TAS2R1: variants seen among roughly 807,000 people sequenced by gnomAD.
TAS2R1 encodes the protein taste receptor type 2 member 1.
For missense variants in TAS2R1, 370 were observed against 353.4 expected (o/e 1.05, Z -0.38); for synonymous variants, 141 against 134.2 (o/e 1.05, Z -0.35).
At chr5:9,895,840 C>T in the TAS2R1 span, among the ~76,000 whole-genome samples, 1 of 152,198 alleles carries the variant, frequency 6.6e-6, no homozygotes, top group Non-Finnish European at 1.5e-5. Context: ...AACAGAGAGT[C>T]CAGCTGTAAT....
At chr5:9,840,691 T>C in the TAS2R1 span, among the ~76,000 whole-genome samples, 1 of 152,022 alleles carries the variant, frequency 6.6e-6, no homozygotes, top group Non-Finnish European at 1.5e-5. Context: ...CTTACTGTAT[T>C]TCTGTGTTTC....
chr5:9,675,801 C>T (rs764667429), intron 1 of TAS2R1, among the ~76,000 whole-genome samples: 1 of 152,130 alleles, frequency 6.6e-6, no homozygotes, highest in Non-Finnish European at 1.5e-5. Context: ...CATCTGCAAA[C>T]AGAAATCATT....
chr5:9,864,938 C>T, the TAS2R1 span, among the ~76,000 whole-genome samples: 1 of 152,112 alleles, frequency 6.6e-6, no homozygotes, highest in East Asian at 1.9e-4. Context: ...CACAAGGCCA[C>T]CAGCAAGTGG....
chr5:9,720,395 C>T, the TAS2R1 span, among the ~76,000 whole-genome samples: 2 of 152,346 alleles, frequency 1.3e-5, no homozygotes, highest in South Asian at 2.1e-4. Context: ...GGGACATCTT[C>T]TCATGGCAAT....
the TAS2R1 span, among the ~76,000 whole-genome samples, chr5:9,831,382 T>C: frequency 1.3e-5 from 2 of 152,204 alleles, no homozygotes; most frequent in South Asian, 2.1e-4. Context: ...AACTATGGCA[T>C]AGTGTCACGA....
At chr5:9,753,696 C>T in the TAS2R1 span, among the ~76,000 whole-genome samples, 1 of 152,180 alleles carries the variant, frequency 6.6e-6, no homozygotes, top group Non-Finnish European at 1.5e-5. Flanking sequence ...ACATTTAAGT[C>T]TTCAATCCAT....
chr5:9,796,540 C>T, the TAS2R1 span, among the ~76,000 whole-genome samples: 1 of 151,974 alleles, frequency 6.6e-6, no homozygotes. Flanking sequence ...CTCTCAGTCC[C>T]CACAAATTGG....
the TAS2R1 span, among the ~76,000 whole-genome samples, chr5:9,872,931 C>T: frequency 6.6e-6 from 1 of 152,192 alleles, no homozygotes; most frequent in Non-Finnish European, 1.5e-5. Context: ...GTCAGACATG[C>T]TCTGGCCTAA....
At chr5:9,741,258 G>T in the TAS2R1 span, among the ~76,000 whole-genome samples, 1 of 152,090 alleles carries the variant, frequency 6.6e-6, no homozygotes, top group Non-Finnish European at 1.5e-5. Flanking sequence ...CCAGAGATCC[G>T]CTATTTAATC....
the TAS2R1 span, among the ~76,000 whole-genome samples, chr5:9,848,992 A>G: frequency 6.6e-6 from 1 of 152,194 alleles, no homozygotes; most frequent in Non-Finnish European, 1.5e-5. Flanking sequence ...CTTCCATGAG[A>G]AGAATACGTT....
At chr5:9,847,106 A>T in the TAS2R1 span, among the ~76,000 whole-genome samples, 4 of 152,210 alleles carry the variant, frequency 2.6e-5, no homozygotes, top group Non-Finnish European at 5.9e-5. Flanking sequence ...GGAAAACTTC[A>T]TAGATGACCC....
At chr5:9,688,216 T>C (rs1741166011) in intron 1 of TAS2R1, among the ~76,000 whole-genome samples, 1 of 152,228 alleles carries the variant, frequency 6.6e-6, no homozygotes, top group Non-Finnish European at 1.5e-5. Flanking sequence ...TAGAGTCTAG[T>C]ATATTTCATC....
upstream of TAS2R1, among the ~76,000 whole-genome samples, chr5:9,714,582 T>C (rs1222468499): frequency 6.6e-6 from 1 of 152,194 alleles, no homozygotes; most frequent in Non-Finnish European, 1.5e-5. Context: ...GGAGGATCAA[T>C]ATGAAAATCA....
the TAS2R1 span, among the ~76,000 whole-genome samples, chr5:9,856,628 A>T: frequency 6.6e-6 from 1 of 152,248 alleles, no homozygotes; most frequent in East Asian, 1.9e-4. Context: ...GAAACTTGGC[A>T]GTAGCAAATG....
the TAS2R1 span, among the ~76,000 whole-genome samples, chr5:9,835,622 G>A: frequency 1.3e-5 from 2 of 152,190 alleles, no homozygotes; most frequent in Non-Finnish European, 2.9e-5. Context: ...AGGCAACCAG[G>A]GAGCCCGCAT....
At chr5:9,725,398 T>G in the TAS2R1 span, among the ~76,000 whole-genome samples, 1 of 152,198 alleles carries the variant, frequency 6.6e-6, no homozygotes, top group African/African-American at 2.4e-5. Flanking sequence ...GGCCCCGCAC[T>G]TGGAGCAGCC....
chr5:9,783,192 C>T, the TAS2R1 span, among the ~76,000 whole-genome samples: 10 of 152,164 alleles, frequency 6.6e-5, no homozygotes, highest in African/African-American at 1.2e-4. Flanking sequence ...TTCCCCTTTA[C>T]CTAAAAGAAT....
At chr5:9,632,096 A>T (rs1739882983), upstream of TAS2R1, among the ~76,000 whole-genome samples, 1 of 152,202 alleles carries the variant, frequency 6.6e-6, no homozygotes, top group African/African-American at 2.4e-5. Context: ...ATACAAGCAT[A>T]CTTCCATAAT....
the TAS2R1 span, among the ~76,000 whole-genome samples, chr5:9,744,490 C>T: frequency 2.0e-5 from 3 of 151,872 alleles, no homozygotes; most frequent in African/African-American, 2.4e-5. Flanking sequence ...ACAAGTGGTC[C>T]GTGTGGTCCT....
Sources: gnomAD v4.1 joint callset for allele counts (sites outside exome capture counted in the v4.1 genomes callset) on GRCh38, gnomAD v4.1.1 for gene constraint, MANE v1.5 for transcripts, NCBI Gene and HGNC (gene_info 2026-07-23, HGNC 2026-07-21) for gene names.